STYK1: variants seen among roughly 807,000 people sequenced by gnomAD.
STYK1 encodes the protein tyrosine-protein kinase STYK1.
STYK1 carries 46 observed loss-of-function variants against 48.1 expected under a neutral mutation model. That is an observed-to-expected ratio of 0.96 (90% CI 0.75 to 1.22). The LOEUF is 1.22. Ranked by LOEUF, STYK1 falls within the 50% of genes most tolerant of loss-of-function variation. The pLI, the probability that STYK1 is intolerant of heterozygous loss-of-function variation, is 0.00. For synonymous variants in STYK1, 188 were observed against 189.0 expected (o/e 0.99, Z 0.04); for missense variants, 527 against 521.1 (o/e 1.01, Z -0.11).
chr12:10,625,159 C>A (rs774123716), intron 7 of STYK1, among the ~76,000 whole-genome samples: 21 of 152,152 alleles, frequency 1.4e-4, no homozygotes, highest in Non-Finnish European at 2.6e-4. Flanking sequence ...TGAGAAAGGA[C>A]CCAGCTAGAC....
chr12:10,632,219 A>T (rs554667456), intron 4 of STYK1, among the ~76,000 whole-genome samples: 100 of 152,054 alleles, frequency 6.6e-4, no homozygotes, highest in African/African-American at 2.4e-3. Context: ...AAACAAAAAA[A>T]GGTGGTGGGG....
At chr12:10,633,267 T>G (rs573116203) in intron 4 of STYK1, among the ~76,000 whole-genome samples, 10 of 152,330 alleles carry the variant, frequency 6.6e-5, no homozygotes, top group African/African-American at 2.4e-4. Flanking sequence ...GTGGTAGAGA[T>G]GAAAACCTTA....
At chr12:10,633,917 A>T in intron 4 of STYK1, 73 bp downstream of exon 4, 1 of 1,554,882 alleles carries the variant, frequency 6.4e-7, no homozygotes, top group Non-Finnish European at 8.7e-7. Context: ...GGGCTCATTG[A>T]AACTTAGACC....
intron 1 of STYK1, among the ~76,000 whole-genome samples, chr12:10,660,416 G>A (rs537193173): frequency 7.1e-4 from 108 of 152,236 alleles, no homozygotes; most frequent in African/African-American, 2.4e-3. Flanking sequence ...AAGATGGATC[G>A]TCATCCCTCT....
chr12:10,664,668 T>A (rs1354141624), intron 1 of STYK1, among the ~76,000 whole-genome samples: 1 of 152,240 alleles, frequency 6.6e-6, no homozygotes, highest in Non-Finnish European at 1.5e-5. Flanking sequence ...TTAGTTCAAG[T>A]GAGCCTGTCT....
At chr12:10,644,866 C>T (rs911385983) in intron 1 of STYK1, among the ~76,000 whole-genome samples, 2 of 151,416 alleles carry the variant, frequency 1.3e-5, no homozygotes, top group African/African-American at 4.9e-5. Flanking sequence ...GAAGTCTGGA[C>T]CAGAGATAAA....
chr12:10,622,566 T>A, intron 9 of STYK1, 72 bp downstream of exon 9: 1 of 1,567,224 alleles, frequency 6.4e-7, no homozygotes, highest in Non-Finnish European at 8.8e-7. Flanking sequence ...AAAGCATACA[T>A]CATCCACCCC....
At chr12:10,631,711 A>C (rs1947431357) in intron 4 of STYK1, among the ~76,000 whole-genome samples, 1 of 152,200 alleles carries the variant, frequency 6.6e-6, no homozygotes, top group African/African-American at 2.4e-5. Context: ...ATGGCTTTCA[A>C]CGTTGGAGGA....
chr12:10,638,005 T>C (rs142011999), intron 1 of STYK1, among the ~76,000 whole-genome samples: 3 of 152,332 alleles, frequency 2.0e-5, no homozygotes, highest in Non-Finnish European at 4.4e-5. Context: ...CTAAATACTT[T>C]TCCCACTATG....
rs55897413 is a variant in STYK1 at position 10,668,539 on chromosome 12, C to CTTT, written c.-195+5424_-195+5426dup. Among the ~76,000 whole-genome samples the CTTT allele has an allele frequency of 2.4e-3, 113 of 46,510 alleles. 17 individuals are homozygous for CTTT. Among genetic ancestry groups the CTTT allele is most frequent in the African/African-American group, 6.8e-3 (91 of 13,338 alleles). The allele number at this position is 46,510 out of a possible 152,430, so 30.5% of individuals were successfully genotyped here. On this transcript the variant is annotated intron_variant, in intron 1 of 10. Transcript: ENST00000075503. ...TATAGGCACCTGTCACCACACCTGG[C>CTTT]TTTTTTTTTTTTTTTTTTTTTTTTT...
intron 3 of STYK1, 133 bp from the exon 4 acceptor site, chr12:10,634,257 C>G (rs1048259836): frequency 1.9e-6 from 2 of 1,073,974 alleles, no homozygotes; most frequent in Admixed American, 4.9e-5. Context: ...TCCTCTACTT[C>G]CATTCAACAG....
In STYK1 at chr12:10,634,134, C is replaced by G. The variant is rs376155323; in HGVS notation, c.53-10G>C. Reference sequence around the variant, plus strand: ...TGCTTCTCCTGGATGACTGGGTAGGCGATCACACAGGAAGAGAAGAGAATG... The same window carrying G: ...TGCTTCTCCTGGATGACTGGGTAGGGGATCACACAGGAAGAGAAGAGAATG... On this transcript the variant is annotated splice_polypyrimidine_tract_variant and intron_variant, in intron 3 of 10. Coordinates refer to ENST00000075503, the MANE Select transcript of STYK1 (RefSeq NM_018423.3). 1 of 1,583,502 alleles carries G rather than the reference C, an allele frequency of 6.3e-7. No individual in the cohort carries two copies. The highest frequency in any genetic ancestry group is 1.5e-5 in the African/African-American group (1 of 67,110).
chr12:10,620,064 G>A lies in STYK1; in HGVS notation c.*80C>T, dbSNP rs1461323372. On this transcript the variant is annotated 3_prime_UTR_variant, in exon 11 of 11. Coordinates refer to ENST00000075503, the MANE Select transcript of STYK1 (RefSeq NM_018423.3). The stretch of plus-strand genomic sequence containing the variant: ...TCCCATTTCTCCCTTTGTGTCCCTG[G>A]GAAAGACCATTCTCTGTTCTTAGAG... 1 of 1,501,858 alleles carries A rather than the reference G, an allele frequency of 6.7e-7. No homozygotes were observed. The highest frequency in any genetic ancestry group is 2.3e-5 in the East Asian group (1 of 44,140). The allele number at this position is 1,501,858 out of a possible 1,614,324, so 93.0% of individuals were successfully genotyped here. A position where few individuals can be genotyped will look rare whatever the true frequency, so the allele number is the denominator to read the frequency against.
chr12:10,643,177 G>A (rs79134021), intron 1 of STYK1, among the ~76,000 whole-genome samples: 1,572 of 152,210 alleles, frequency 0.01, 21 homozygotes, highest in African/African-American at 0.036. Context: ...CACACAAGTC[G>A]ATGGGGCCGT....
At chr12:10,651,573 C>T (rs1336969491) in intron 1 of STYK1, among the ~76,000 whole-genome samples, 1 of 152,106 alleles carries the variant, frequency 6.6e-6, no homozygotes, top group African/African-American at 2.4e-5. Context: ...CTAATTATTC[C>T]TATGATAGCT....
chr12:10,634,947 T>G (rs1027044996), intron 2 of STYK1, among the ~76,000 whole-genome samples: 1 of 152,324 alleles, frequency 6.6e-6, no homozygotes. Flanking sequence ...CAACTGTTAC[T>G]GAAATTATTT....
At chr12:10,659,198 C>T (rs1297574573) in intron 1 of STYK1, among the ~76,000 whole-genome samples, 1 of 152,096 alleles carries the variant, frequency 6.6e-6, no homozygotes, top group South Asian at 2.1e-4. Flanking sequence ...ATTGCTAATT[C>T]TTTGCTTTGT....
rs1277838977 is a variant in STYK1, at chr12:10,672,054, C to G, written c.-195+1912G>C. Among the ~76,000 whole-genome samples the G allele has an allele frequency of 6.6e-6, 1 of 152,028 alleles. No homozygotes were observed. Among genetic ancestry groups the G allele is most frequent in the East Asian group, 1.9e-4 (1 of 5,196 alleles). On this transcript the variant is annotated intron_variant, in intron 1 of 10. Transcript: ENST00000075503. The surrounding 1 kb of genome is among the most constrained non-coding windows in gnomAD (Gnocchi z 4.0). The stretch of plus-strand genomic sequence containing the variant: ...ACCCTAATCCAATAAGACTAGTGTC[C>G]TTATAAAAAGGGGAAATTCAGAGAC...
chr12:10,658,189 C>T (rs1565572630), intron 1 of STYK1, among the ~76,000 whole-genome samples: 1 of 152,148 alleles, frequency 6.6e-6, no homozygotes, highest in Non-Finnish European at 1.5e-5. Flanking sequence ...TGCTCCTTAA[C>T]AAAAATTTGT....
Sources: gnomAD v4.1 joint callset for allele counts (sites outside exome capture counted in the v4.1 genomes callset) on GRCh38, gnomAD v4.1.1 for gene constraint, Gnocchi (gnomAD v3.1) non-coding constraint, MANE v1.5 for transcripts, NCBI Gene and HGNC (gene_info 2026-07-23, HGNC 2026-07-21) for gene names.